WDR72: variants seen among roughly 807,000 people sequenced by gnomAD.
WDR72 encodes the protein WD repeat domain 72, also known as WD repeat-containing protein 72.
A neutral mutation model predicts 124.2 loss-of-function variants in WDR72; 120 were observed. The ratio of observed to expected loss-of-function variants is 0.97; its 90% CI spans 0.83 to 1.12. The LOEUF is 1.12. Ranked by LOEUF, WDR72 falls within the 50% of genes most tolerant of loss-of-function variation. WDR72 has a pLI of 0.00. For missense variants in WDR72, 1,387 were observed against 1,278.8 expected (o/e 1.08, Z -1.29); for synonymous variants, 452 against 441.7 (o/e 1.02, Z -0.29).
At chr15:53,545,546 A>T (rs1440286319) in intron 18 of WDR72, among the ~76,000 whole-genome samples, 2 of 151,972 alleles carry the variant, frequency 1.3e-5, no homozygotes, top group African/African-American at 4.8e-5. Flanking sequence ...GTTAGACCTA[A>T]AACCATAAAA....
chr15:53,761,785 G>A (rs1490830971), upstream of WDR72, among the ~76,000 whole-genome samples: 5 of 152,108 alleles, frequency 3.3e-5, no homozygotes, highest in Non-Finnish European at 7.3e-5. Flanking sequence ...CTGTACCACT[G>A]CACTCCAGCC....
rs952075189 is a variant in WDR72, at chr15:53,675,448, T to A, written c.1766-9680A>T. 7.2e-5 allele frequency among the ~76,000 whole-genome samples: 11 copies of A among 152,206 alleles called. 1 individual carries two copies. Among genetic ancestry groups the A allele is most frequent in the Admixed American group, 1.3e-4 (2 of 15,278 alleles). ...TAAGAGGTAGATATTCACAGCCAAGTGTTTCTTAAGTATAACGTAAAGAAT... is the reference window on the plus strand; with the variant it reads ...TAAGAGGTAGATATTCACAGCCAAGAGTTTCTTAAGTATAACGTAAAGAAT... On this transcript the variant is annotated intron_variant, in intron 13 of 19. Transcript: ENST00000360509.
At chr15:53,722,557 A>G (rs1276983091) in intron 3 of WDR72, among the ~76,000 whole-genome samples, 1 of 152,188 alleles carries the variant, frequency 6.6e-6, no homozygotes, top group African/African-American at 2.4e-5. Context: ...TCTGATACAC[A>G]TGTTGAGATG....
intron 13 of WDR72, among the ~76,000 whole-genome samples, chr15:53,671,375 T>A (rs1432979148): frequency 6.6e-6 from 1 of 152,234 alleles, no homozygotes; most frequent in African/African-American, 2.4e-5. Flanking sequence ...CTTGTACTGT[T>A]TTCTATCTCA....
intron 1 of WDR72, among the ~76,000 whole-genome samples, chr15:53,752,610 C>A (rs1349345803): frequency 6.6e-6 from 1 of 152,172 alleles, no homozygotes; most frequent in Non-Finnish European, 1.5e-5. Context: ...AGACCTCCAG[C>A]CTCCAGAACT....
Position 53,705,938 on chromosome 15 carries a change from C to A in WDR72, c.1091G>T (p.Gly364Val). The part of the protein sequence containing the change: ...IPDVPVSKFD[G>V]SPREIPVTAT... ...GGAAACTGACTTACCTCTAGGAGAA[C>A]CATCAAACTTGGATACAGGAACATC... Residue 364 changes from glycine (G) to valine (V), a missense_variant, in exon 10 of 20, where the codon GGT becomes GTT. Physicochemically the swap from Gly to Val is moderately radical, Grantham distance 109. Transcript: ENST00000360509. The A allele has an allele frequency of 1.2e-6, 2 of 1,614,044 alleles. No individual in the cohort carries two copies. The highest frequency in any genetic ancestry group is 1.7e-6 in the Non-Finnish European group (2 of 1,179,990).
Position 53,637,203 on chromosome 15 carries a change from A to G in WDR72, c.1963-20960T>C, listed in dbSNP as rs141964521. Among the ~76,000 whole-genome samples, 14 of 152,260 alleles carry G rather than the reference A, an allele frequency of 9.2e-5. No individual in the cohort carries two copies. The East Asian group carries it at 2.1e-3, about 23-fold the overall frequency. Reference sequence around the variant, plus strand: ...CATTATTTTTTATTGCTGCATCTCTATTAGCTTTATACTGCACAAATAATC... The same window carrying G: ...CATTATTTTTTATTGCTGCATCTCTGTTAGCTTTATACTGCACAAATAATC... On this transcript the variant is annotated intron_variant, in intron 14 of 19. Transcript: ENST00000360509.
At chr15:53,628,123 G>C (rs1432839752) in intron 14 of WDR72, among the ~76,000 whole-genome samples, 1 of 152,160 alleles carries the variant, frequency 6.6e-6, no homozygotes, top group Non-Finnish European at 1.5e-5. Context: ...ATGTACAATT[G>C]AAGAATTCTG....
chr15:53,566,294 C>A (rs941778979), intron 18 of WDR72, among the ~76,000 whole-genome samples: 34 of 152,022 alleles, frequency 2.2e-4, no homozygotes, highest in African/African-American at 7.9e-4. Flanking sequence ...TAGCTCAGAG[C>A]AAGTGGTTTT....
At chr15:53,615,123 T>C (rs1013635100) in intron 15 of WDR72, among the ~76,000 whole-genome samples, 37 of 152,152 alleles carry the variant, frequency 2.4e-4, no homozygotes, top group African/African-American at 8.9e-4. Context: ...TATGTATGTA[T>C]GTATCTATCT....
chr15:53,559,222 G>A (rs561557544), intron 18 of WDR72, among the ~76,000 whole-genome samples: 2 of 151,590 alleles, frequency 1.3e-5, no homozygotes, highest in Non-Finnish European at 2.9e-5. Context: ...AGTAGCCTTG[G>A]TTTCTTTTAG....
intron 12 of WDR72, among the ~76,000 whole-genome samples, chr15:53,701,251 A>G (rs1182721706): frequency 6.6e-6 from 1 of 152,190 alleles, no homozygotes; most frequent in African/African-American, 2.4e-5. Context: ...CCCATTTAAG[A>G]AGAAAATGTG....
At chr15:53,595,346 A>G (rs988824001) in intron 18 of WDR72, among the ~76,000 whole-genome samples, 2 of 152,078 alleles carry the variant, frequency 1.3e-5, no homozygotes, top group African/African-American at 4.8e-5. Context: ...TCTAACTCCT[A>G]GGCTCAAACC....
At chr15:53,678,738 A>C (rs149595907) in intron 13 of WDR72, among the ~76,000 whole-genome samples, 2 of 152,306 alleles carry the variant, frequency 1.3e-5, no homozygotes, top group East Asian at 3.9e-4. Flanking sequence ...CCTATGCCAC[A>C]AGGTTCTATC....
At chr15:53,668,904 CAA>C (rs10640900) in intron 13 of WDR72, among the ~76,000 whole-genome samples, 1 of 70,916 alleles carries the variant, frequency 1.4e-5, no homozygotes, top group Non-Finnish European at 2.4e-5. Flanking sequence ...GACCTCGTCT[CAA>C]AAAAAAAAAA....
chr15:53,596,356 T>C (rs1296918025), intron 18 of WDR72, among the ~76,000 whole-genome samples: 2 of 152,122 alleles, frequency 1.3e-5, no homozygotes, highest in South Asian at 2.1e-4. Flanking sequence ...ATAAAAATCA[T>C]AGAACATTTT....
At chr15:53,527,176 T>C (rs1301849486) in intron 18 of WDR72, among the ~76,000 whole-genome samples, 1 of 152,052 alleles carries the variant, frequency 6.6e-6, no homozygotes, top group African/African-American at 2.4e-5. Context: ...ATTCAGGAGA[T>C]AGTATGAGGA....
chr15:53,527,211 T>TA (rs1180463779), intron 18 of WDR72, among the ~76,000 whole-genome samples: 1 of 152,092 alleles, frequency 6.6e-6, no homozygotes, highest in Admixed American at 6.6e-5. Flanking sequence ...GATTTGTTGT[T>TA]AAAATTAGAA....
At position 53,697,094 on chromosome 15, in the gene WDR72, A is replaced by C. The variant is rs368490800; in HGVS notation, c.1765+2656T>G. On this transcript the variant is annotated intron_variant, in intron 13 of 19. Transcript: ENST00000360509. ...AAAAGATGAACAACTTATATTCTCT[A>C]GGTTACTTTGGCACTAAACCTATGC... 1.1e-4 allele frequency among the ~76,000 whole-genome samples: 16 copies of C among 152,354 alleles called. 1 individual carries two copies. In the South Asian group the frequency reaches 2.7e-3, roughly 26 times the overall value.
Sources: gnomAD v4.1 joint callset for allele counts (sites outside exome capture counted in the v4.1 genomes callset) on GRCh38, gnomAD v4.1.1 for gene constraint, MANE v1.5 for transcripts, NCBI Gene and HGNC (gene_info 2026-07-23, HGNC 2026-07-21) for gene names.